The following CTNNA2 variants were observed in gnomAD, a reference collection of about 807,000 sequenced individuals.
CTNNA2 encodes catenin alpha-2.
In CTNNA2, 42 loss-of-function variants were observed where a neutral mutation model predicts 101.0. That is an observed-to-expected ratio of 0.42 (90% confidence interval 0.32 to 0.54). CTNNA2 has a LOEUF of 0.54. CTNNA2 is among the 20% of genes least tolerant of loss of function. The pLI is 0.14. For synonymous variants in CTNNA2, 450 were observed against 456.4 expected (o/e 0.99, Z 0.18); for missense variants, 871 against 1,223.1 (o/e 0.71, Z 4.29).
chr2:79,341,302 A>G (rs1261669201), intron 3 of CTNNA2, among the ~76,000 whole-genome samples: 1 of 152,212 alleles, frequency 6.6e-6, no homozygotes, highest in Non-Finnish European at 1.5e-5. Flanking sequence ...ATGCAGTATG[A>G]TCAGAATAAT....
At position 79,419,791 on chromosome 2, in the gene CTNNA2, A is replaced by C. The variant is rs151024512; in HGVS notation, c.-135+45778A>C. On this transcript the variant is annotated intron_variant, in intron 4 of 21. Coordinates refer to the CTNNA2 transcript ENST00000466387. The stretch of plus-strand genomic sequence containing the variant: ...AAAACAGGTATATTCTCTTAGAAAT[A>C]ACCTTTAATGGCCTATTAAATAATG... Among the ~76,000 whole-genome samples, 250 of 152,266 alleles carry C rather than the reference A, an allele frequency of 1.6e-3. 2 individuals carry two copies. The highest frequency in any genetic ancestry group is 5.8e-3 in the African/African-American group (243 of 41,566).
intron 9 of CTNNA2, among the ~76,000 whole-genome samples, chr2:80,524,683 A>G (rs1175930173): frequency 1.3e-5 from 2 of 152,048 alleles, no homozygotes; most frequent in Non-Finnish European, 2.9e-5. Flanking sequence ...AATTTTTGCC[A>G]TTACCTCCTT....
At chr2:80,201,537 C>A (rs947068746) in intron 7 of CTNNA2, among the ~76,000 whole-genome samples, 1 of 151,826 alleles carries the variant, frequency 6.6e-6, no homozygotes, top group Non-Finnish European at 1.5e-5. Context: ...CCATGCCTGG[C>A]TAAATTTGTG....
chr2:79,870,465 G>A (rs1190844008), intron 5 of CTNNA2, among the ~76,000 whole-genome samples: 2 of 151,918 alleles, frequency 1.3e-5, no homozygotes, highest in African/African-American at 2.4e-5. Context: ...GGGGAAAAGG[G>A]GAGGGGAGTG....
At chr2:80,096,697 G>A (rs1415393928) in intron 7 of CTNNA2, among the ~76,000 whole-genome samples, 2 of 152,078 alleles carry the variant, frequency 1.3e-5, no homozygotes, top group Non-Finnish European at 2.9e-5. Flanking sequence ...CTCTTGTATT[G>A]GGTGCATATA....
chr2:80,500,738 G>A (rs1485129104), intron 9 of CTNNA2, among the ~76,000 whole-genome samples: 1 of 152,176 alleles, frequency 6.6e-6, no homozygotes, highest in African/African-American at 2.4e-5. Flanking sequence ...AGTGTGTACT[G>A]GGTAGAGGTG....
At chr2:80,176,438 A>C (rs1705398595) in intron 7 of CTNNA2, among the ~76,000 whole-genome samples, 1 of 152,216 alleles carries the variant, frequency 6.6e-6, no homozygotes, top group Admixed American at 6.5e-5. Flanking sequence ...GAAATACGAC[A>C]ATTACCATCT....
At chr2:79,850,167 C>T (rs543044544) in intron 3 of CTNNA2, among the ~76,000 whole-genome samples, 259 of 151,446 alleles carry the variant, frequency 1.7e-3, no homozygotes, top group Non-Finnish European at 3.1e-3. Flanking sequence ...CTCCTACCCT[C>T]CCTTCCTCCA....
At chr2:79,890,363 T>C (rs947389736) in intron 6 of CTNNA2, among the ~76,000 whole-genome samples, 2 of 152,274 alleles carry the variant, frequency 1.3e-5, no homozygotes, top group Non-Finnish European at 2.9e-5. Context: ...GGTATGCAAA[T>C]GCAGTTTGAA....
intron 4 of CTNNA2, among the ~76,000 whole-genome samples, chr2:79,476,468 G>A (rs562014411): frequency 4.3e-4 from 66 of 152,212 alleles, no homozygotes; most frequent in South Asian, 1.7e-3. Flanking sequence ...TTAGCCATTC[G>A]GTAACAGTAG....
chr2:79,939,559 ATTTTAT>A (rs941338131), intron 7 of CTNNA2, among the ~76,000 whole-genome samples: 3 of 152,114 alleles, frequency 2.0e-5, no homozygotes, highest in Non-Finnish European at 4.4e-5. Context: ...TCCTTTGGGA[ATTTTAT>A]TTTTATTTTA....
chr2:80,196,020 A>G (rs535961196), intron 7 of CTNNA2, among the ~76,000 whole-genome samples: 2 of 152,188 alleles, frequency 1.3e-5, no homozygotes, highest in Non-Finnish European at 2.9e-5. Flanking sequence ...GAAAAATACC[A>G]TTATATTAAA....
rs574333492 is a variant in CTNNA2, at chr2:79,819,527, T to C, written c.299-38486T>C. Among the ~76,000 whole-genome samples the C allele has an allele frequency of 5.3e-4, 80 of 152,308 alleles. 1 individual carries two copies. The highest frequency in any genetic ancestry group is 1.6e-3 in the Admixed American group (25 of 15,296). On this transcript the variant is annotated intron_variant, in intron 3 of 18. Coordinates refer to ENST00000402739, the MANE Select transcript of CTNNA2 (RefSeq NM_001282597.3). ...GCCTAGAGTTTGTTCTATGTGTGAG[T>C]CTCTCAGGTACTTGAATGTTTGTAT...
chr2:79,912,334 C>T (rs1307177781), intron 7 of CTNNA2, among the ~76,000 whole-genome samples: 2 of 152,218 alleles, frequency 1.3e-5, no homozygotes, highest in Non-Finnish European at 2.9e-5. Context: ...CTGTGTATCA[C>T]ACCTGATAGA....
intron 6 of CTNNA2, among the ~76,000 whole-genome samples, chr2:79,887,838 C>T (rs1683999355): frequency 1.3e-5 from 2 of 152,194 alleles, no homozygotes; most frequent in African/African-American, 4.8e-5. Context: ...TTTATTTCTT[C>T]TTTTTCAATG....
chr2:79,431,963 C>T (rs1431977920), intron 4 of CTNNA2, among the ~76,000 whole-genome samples: 2 of 152,120 alleles, frequency 1.3e-5, no homozygotes, highest in African/African-American at 4.8e-5. Flanking sequence ...ATATAAGGCA[C>T]ATAGAAGTCA....
chr2:79,290,912 G>A (rs1675787879), intron 2 of CTNNA2, among the ~76,000 whole-genome samples: 1 of 152,174 alleles, frequency 6.6e-6, no homozygotes, highest in Non-Finnish European at 1.5e-5. Flanking sequence ...TAATTGCGCT[G>A]ACTAACGCAA....
chr2:79,928,805 T>G (rs780507572), intron 7 of CTNNA2, among the ~76,000 whole-genome samples: 1 of 152,280 alleles, frequency 6.6e-6, no homozygotes, highest in East Asian at 1.9e-4. Flanking sequence ...TTTGATAGAT[T>G]TATCAGGTGA....
chr2:79,894,755 A>C (rs143644565), intron 6 of CTNNA2, among the ~76,000 whole-genome samples: 1 of 152,252 alleles, frequency 6.6e-6, no homozygotes, highest in East Asian at 1.9e-4. Flanking sequence ...TACTTTATGC[A>C]TATTGTTAAG....
Sources: allele counts gnomAD v4.1 joint callset (sites outside exome capture counted in the v4.1 genomes callset), GRCh38; gene constraint gnomAD v4.1.1; transcripts MANE v1.5; gene names NCBI Gene and HGNC (gene_info 2026-07-23, HGNC 2026-07-21).